DMXL1: variants seen among roughly 807,000 people sequenced by gnomAD.
The protein encoded by DMXL1 is dmX-like protein 1.
In DMXL1, 99 loss-of-function variants were observed where a neutral mutation model predicts 319.2. The ratio of observed to expected loss-of-function variants is 0.31; its 90% confidence interval spans 0.26 to 0.37. The LOEUF (loss-of-function observed/expected upper bound fraction) is 0.37. DMXL1 is among the 10% of genes least tolerant of loss of function. The probability of loss-of-function intolerance (pLI) is 1.00; values close to 1 mark genes in which losing one functional copy is unlikely to be tolerated. For missense variants in DMXL1, 3,745 were observed against 3,595.6 expected, an observed-to-expected ratio of 1.04 and a Z score of -1.06; for synonymous variants, 1,385 against 1,235.2, an observed-to-expected ratio of 1.12 and a Z score of -2.54.
chr5:119,169,812 C>T (rs1415650703), intron 23 of DMXL1, among the ~76,000 whole-genome samples: 1 of 152,046 alleles, frequency 6.6e-6, no homozygotes, highest in Non-Finnish European at 1.5e-5. Context: ...AGCAGTTGAA[C>T]CCTAGGAGAC....
At chr5:119,124,417 A>G (rs182460887) in intron 9 of DMXL1, among the ~76,000 whole-genome samples, 34 of 152,220 alleles carry the variant, frequency 2.2e-4, no homozygotes, top group African/African-American at 7.9e-4. Flanking sequence ...GGGAACCTCA[A>G]CTTCAGTCTT....
intron 19 of DMXL1, among the ~76,000 whole-genome samples, chr5:119,162,017 G>C (rs1014114730): frequency 6.6e-6 from 1 of 152,200 alleles, no homozygotes; most frequent in African/African-American, 2.4e-5. Flanking sequence ...TTCCCTTGAG[G>C]TGAGACCAGC....
chr5:119,197,437 A>G (rs1339539062), intron 31 of DMXL1, among the ~76,000 whole-genome samples: 1 of 152,206 alleles, frequency 6.6e-6, no homozygotes, highest in African/African-American at 2.4e-5. Flanking sequence ...TGGGTTGGAC[A>G]AGTTTGATTT....
chr5:119,240,082 A>G (rs1788494627), intron 41 of DMXL1, among the ~76,000 whole-genome samples: 2 of 152,058 alleles, frequency 1.3e-5, no homozygotes, highest in African/African-American at 2.4e-5. Context: ...CAGCCTGGGC[A>G]ACATAGGGAG....
chr5:119,077,754 A>AGTGTTTGT (rs376449707), intron 1 of DMXL1, among the ~76,000 whole-genome samples: 1,344 of 125,368 alleles, frequency 0.011, 18 homozygotes, highest in South Asian at 0.052. Context: ...TTATTTTTTA[A>AGTGTTTGT]GTGTGTGTGT....
intron 34 of DMXL1, among the ~76,000 whole-genome samples, chr5:119,212,747 T>G (rs1783021931): frequency 6.6e-6 from 1 of 152,134 alleles, no homozygotes; most frequent in African/African-American, 2.4e-5. Flanking sequence ...ACCATATTCA[T>G]TGTGATTTTT....
intron 39 of DMXL1, among the ~76,000 whole-genome samples, chr5:119,234,399 G>T (rs1157345725): frequency 6.6e-6 from 1 of 152,066 alleles, no homozygotes; most frequent in East Asian, 1.9e-4. Flanking sequence ...CTAACTGATG[G>T]TTCACCTTGC....
chr5:119,148,752 ATCT>A lies in DMXL1; in HGVS notation c.2929_2931del (p.Ser977del). On this transcript the variant is annotated inframe_deletion, in exon 18 of 44. Coordinates refer to ENST00000539542, the MANE Select transcript of DMXL1 (RefSeq NM_001290321.3). ...TTTTTATTTTAGGACATCTGAGTTCATCTTCTATATATCCTGCATGCAGTGCTC... is the reference window on the plus strand; with the variant it reads ...TTTTTATTTTAGGACATCTGAGTTCATCTATATATCCTGCATGCAGTGCTC... The A allele has an allele frequency of 6.2e-7, 1 of 1,606,002 alleles. No individual in the cohort carries two copies.
At chr5:119,084,099 T>A (rs1032513546) in intron 1 of DMXL1, among the ~76,000 whole-genome samples, 1 of 152,074 alleles carries the variant, frequency 6.6e-6, no homozygotes, top group Non-Finnish European at 1.5e-5. Flanking sequence ...TTTTTAGAAA[T>A]GTCTGTTCAT....
chr5:119,169,552 G>T lies in DMXL1; in HGVS notation c.5399-638G>T, dbSNP rs186886886. ...TCAGAGAACTGGTTGAAATGAGTGA[G>T]TTAATCAGTATAGATATAGGTAAAG... On this transcript the variant is annotated intron_variant, in intron 23 of 43. Coordinates refer to ENST00000539542, the MANE Select transcript of DMXL1 (RefSeq NM_001290321.3). Among the ~76,000 whole-genome samples the T allele has an allele frequency of 6.9e-4, 105 of 152,274 alleles. 1 individual carries two copies. The highest frequency in any genetic ancestry group is 2.4e-3 in the Admixed American group (36 of 15,296).
At chr5:119,122,979 C>T (rs1486086802) in intron 9 of DMXL1, among the ~76,000 whole-genome samples, 3 of 152,096 alleles carry the variant, frequency 2.0e-5, no homozygotes, top group Admixed American at 6.5e-5. Flanking sequence ...TTGTAGCGAG[C>T]GGAGATCACG....
At chr5:119,077,493 T>TG (rs1751157280) in intron 1 of DMXL1, among the ~76,000 whole-genome samples, 1 of 144,434 alleles carries the variant, frequency 6.9e-6, no homozygotes. Context: ...TTTTTTTTTT[T>TG]TTTTTTTTTT....
At position 119,101,976 on chromosome 5, in the gene DMXL1, A is replaced by G. The variant is rs760790436; in HGVS notation, c.255A>G (p.Pro85=). 1 of 1,605,342 alleles carries G rather than the reference A, an allele frequency of 6.2e-7. No homozygotes were observed. The highest frequency in any genetic ancestry group is 2.2e-5 in the East Asian group (1 of 44,660). Residue 85 remains proline, a synonymous_variant, in exon 3 of 44, where the codon CCA becomes CCG. Coordinates refer to ENST00000539542, the MANE Select transcript of DMXL1 (RefSeq NM_001290321.3). ...SYGNVISIFE[P]VNLPKQKKNL... is the part of the protein sequence containing the mutation. The stretch of plus-strand genomic sequence containing the variant: ...GAAATGTTATCTCCATTTTTGAACC[A>G]GTTAACCTACCAAAACAAAAGAAAA...
rs934624611 is a variant in DMXL1, at chr5:119,146,825, T to C, written c.2570-12T>C. 3.7e-6 allele frequency: 6 copies of C among 1,607,338 alleles called. No individual in the cohort carries two copies. Among genetic ancestry groups the C allele is most frequent in the Non-Finnish European group, 5.1e-6 (6 of 1,177,144 alleles). On this transcript the variant is annotated splice_polypyrimidine_tract_variant and intron_variant, in intron 15 of 43. Coordinates refer to ENST00000539542, the MANE Select transcript of DMXL1 (RefSeq NM_001290321.3). ...ACATAGTAACAGTGAAAAATATCAT[T>C]AATACCAACAGGCAGCTCACCTAAT...
Position 119,208,210 on chromosome 5 carries a change from ATTTTTTTT to A in DMXL1, c.7926+1326_7926+1333del, listed in dbSNP as rs528514068. Among the ~76,000 whole-genome samples, 628 of 135,884 alleles carry A rather than the reference ATTTTTTTT, an allele frequency of 4.6e-3. 11 individuals are homozygous for A. The highest frequency in any genetic ancestry group is 0.039 in the South Asian group (165 of 4,278). 89.1% of individuals were successfully genotyped at this position (135,884 alleles called of 152,430 possible). A position where few individuals can be genotyped will look rare whatever the true frequency, so the allele number is the denominator to read the frequency against. ...TATTACTGTCTACACATTATCAGGA[ATTTTTTTT>A]TTTTTTTTTTTGGAAACAGAGTTTC... On this transcript the variant is annotated intron_variant, in intron 34 of 43. Transcript: ENST00000539542.
intron 19 of DMXL1, among the ~76,000 whole-genome samples, chr5:119,158,077 A>C (rs569772991): frequency 1.3e-5 from 2 of 152,066 alleles, no homozygotes; most frequent in South Asian, 4.1e-4. Context: ...GTTTTTAATG[A>C]GATGGGGTCT....
intron 30 of DMXL1, among the ~76,000 whole-genome samples, chr5:119,196,120 C>T (rs1041160639): frequency 3.2e-4 from 48 of 152,088 alleles, no homozygotes; most frequent in African/African-American, 8.7e-4. Context: ...CTTATGGTTA[C>T]CCTAATATTC....
chr5:119,174,216 C>G (rs1472556343), intron 25 of DMXL1, among the ~76,000 whole-genome samples: 1 of 152,152 alleles, frequency 6.6e-6, no homozygotes, highest in African/African-American at 2.4e-5. Context: ...TGTCTGTGCA[C>G]CCCATGGCCC....
rs1337956056 is a variant in DMXL1, at chr5:119,237,305, T to C, written c.8467-17T>C. Reference sequence around the variant, plus strand: ...TATATTTATATTAAATACTTTTAAATATTTTCTTTCTCTAAGTTTGGAATA... The same window carrying C: ...TATATTTATATTAAATACTTTTAAACATTTTCTTTCTCTAAGTTTGGAATA... On this transcript the variant is annotated splice_polypyrimidine_tract_variant and intron_variant, in intron 39 of 43. Transcript: ENST00000539542. The C allele has an allele frequency of 6.9e-7, 1 of 1,439,050 alleles. No individual in the cohort carries two copies. Among genetic ancestry groups the C allele is most frequent in the Non-Finnish European group, 9.7e-7 (1 of 1,032,446 alleles). The allele number at this position is 1,439,050 out of a possible 1,614,324, so 89.1% of individuals were successfully genotyped here.
Sources: gnomAD v4.1 joint callset for allele counts (sites outside exome capture counted in the v4.1 genomes callset) on GRCh38, gnomAD v4.1.1 for gene constraint, MANE v1.5 for transcripts, NCBI Gene and HGNC (gene_info 2026-07-23, HGNC 2026-07-21) for gene names.